The following RHBDD2 variants were observed in gnomAD, a reference collection of about 807,000 sequenced individuals.
RHBDD2 encodes the protein rhomboid domain containing 2, also known as rhomboid domain-containing protein 2.
A neutral mutation model predicts 21.7 loss-of-function variants in RHBDD2; 13 were observed. The ratio of observed to expected loss-of-function variants is 0.60; its 90% CI spans 0.39 to 0.95. RHBDD2 has a LOEUF of 0.95. RHBDD2 is among the 40% of genes least tolerant of loss of function. RHBDD2 has a pLI of 0.00. For synonymous variants in RHBDD2, 225 were observed against 220.0 expected, an observed-to-expected ratio of 1.02 and a Z score of -0.20; for missense variants, 473 against 478.9, an observed-to-expected ratio of 0.99 and a Z score of 0.11.
chr7:75,888,519 G>T lies in RHBDD2; in HGVS notation c.*170G>T, dbSNP rs955219428. 17 of 607,152 alleles carry T rather than the reference G, an allele frequency of 2.8e-5. No individual in the cohort carries two copies. Among genetic ancestry groups the T allele is most frequent in the Non-Finnish European group, 4.9e-5 (17 of 345,324 alleles). The allele number at this position is 607,152 out of a possible 1,614,324, so 37.6% of individuals were successfully genotyped here. On this transcript the variant is annotated 3_prime_UTR_variant, in exon 4 of 4. Transcript: ENST00000006777. ...TACTCACGGCAGCCCTGTGGAGTAC[G>T]GTGTACTGGCCCAGCTTACAGATGC...
intron 2 of RHBDD2, among the ~76,000 whole-genome samples, 164 bp downstream of exon 2, chr7:75,882,400 G>T (rs1431584183): frequency 4.6e-5 from 7 of 152,140 alleles, no homozygotes; most frequent in African/African-American, 7.2e-5. Flanking sequence ...TCAACTCACT[G>T]CAACCTCTGC....
chr7:75,883,709 T>G lies in RHBDD2; in HGVS notation c.598T>G (p.Tyr200Asp), dbSNP rs1554543049. ...CACGCCAACCTCAGATGGCCTCACCTACTGCTATTCCATCGACCTCTCAGA... is the reference window on the plus strand; with the variant it reads ...CACGCCAACCTCAGATGGCCTCACCGACTGCTATTCCATCGACCTCTCAGA... ...LSIGLAYGLT[Y>D]CYSIDLSERV... The change falls in exon 3 of 4, where the codon TAC (tyrosine) becomes GAC (aspartate). Residue 200 changes from tyrosine to aspartate, a missense_variant. Physicochemically the swap from Tyr to Asp is radical, Grantham distance 160. Coordinates refer to ENST00000006777, the MANE Select transcript of RHBDD2 (RefSeq NM_001040456.3). 1.2e-6 allele frequency: 2 copies of G among 1,613,390 alleles called. No individual in the cohort carries two copies. Among genetic ancestry groups the G allele is most frequent in the Admixed American group, 1.7e-5 (1 of 59,866 alleles).
At chr7:75,887,254 C>T (rs1805735229) in intron 3 of RHBDD2, among the ~76,000 whole-genome samples, 1 of 148,954 alleles carries the variant, frequency 6.7e-6, no homozygotes, top group Non-Finnish European at 1.5e-5. Flanking sequence ...CCTCCTACCT[C>T]AGCCTCTTAA....
chr7:75,879,099 CCGGGTGTCGCAG>C lies in RHBDD2; in HGVS notation c.19_30del (p.Gly7_Ser10del). On this transcript the variant is annotated inframe_deletion, in exon 1 of 4. Transcript: ENST00000006777. ...ACGGCGGCCATGGCGGCCTCGGGGC[CCGGGTGTCGCAG>C]CTGGTGCTTGTGTCCCGAGGTGCCA... 1.5e-6 allele frequency: 2 copies of C among 1,367,598 alleles called. No homozygotes were observed. The highest frequency in any genetic ancestry group is 3.1e-5 in the African/African-American group (2 of 65,476). The allele number at this position is 1,367,598 out of a possible 1,614,324, so 84.7% of individuals were successfully genotyped here.
chr7:75,880,875 A>G (rs1437882188), intron 1 of RHBDD2, among the ~76,000 whole-genome samples: 1 of 152,068 alleles, frequency 6.6e-6, no homozygotes, highest in Non-Finnish European at 1.5e-5. Context: ...ACAAGTACAC[A>G]TCATCACACC....
At position 75,881,934 on chromosome 7, in the gene RHBDD2, G is replaced by T; in HGVS notation, c.284G>T (p.Gly95Val). 1 of 1,614,190 alleles carries T rather than the reference G, an allele frequency of 6.2e-7. No individual in the cohort carries two copies. ...GCTGGCAATTTCGAGAGAACCGTGGGCACCGTCCGCCACTGCTTCTTCACC... is the reference window on the plus strand; with the variant it reads ...GCTGGCAATTTCGAGAGAACCGTGGTCACCGTCCGCCACTGCTTCTTCACC... ...RFAGNFERTV[G>V]TVRHCFFTVI... The change falls in exon 2 of 4, where the codon GGC becomes GTC. Residue 95 changes from glycine to valine, a missense_variant. Transcript: ENST00000006777.
intron 1 of RHBDD2, 69 bp from the exon 2 acceptor site, chr7:75,881,760 C>A: frequency 2.1e-6 from 3 of 1,449,060 alleles, no homozygotes; most frequent in Non-Finnish European, 1.9e-6. Context: ...CTTTCCTAGG[C>A]GGCTTATAAC....
intron 3 of RHBDD2, among the ~76,000 whole-genome samples, chr7:75,886,028 G>A (rs1805644644): frequency 1.3e-5 from 2 of 152,096 alleles, no homozygotes; most frequent in African/African-American, 4.8e-5. Context: ...CACTATACCC[G>A]GCTAAAGATC....
intron 3 of RHBDD2, 78 bp downstream of exon 3, chr7:75,883,926 ACT>A (rs1805497327): frequency 7.3e-6 from 9 of 1,241,026 alleles, no homozygotes; most frequent in Middle Eastern, 2.9e-4. Context: ...ACGGAGTCTC[ACT>A]CTGTCACCCA....
Position 75,883,706 on chromosome 7 carries a change from A to C in RHBDD2, c.595A>C (p.Thr199Pro). ...GLSIGLAYGL[T>P]YCYSIDLSER... ...TAACACGCCAACCTCAGATGGCCTCACCTACTGCTATTCCATCGACCTCTC... is the reference window on the plus strand; with the variant it reads ...TAACACGCCAACCTCAGATGGCCTCCCCTACTGCTATTCCATCGACCTCTC... The change falls in exon 3 of 4, where the codon ACC becomes CCC. Residue 199 changes from threonine to proline, a missense_variant. Thr to Pro is a conservative substitution (Grantham distance 38). Coordinates refer to ENST00000006777, the MANE Select transcript of RHBDD2 (RefSeq NM_001040456.3). 1 of 1,613,050 alleles carries C rather than the reference A, an allele frequency of 6.2e-7. No individual in the cohort carries two copies. The highest frequency in any genetic ancestry group is 8.5e-7 in the Non-Finnish European group (1 of 1,179,616).
In RHBDD2 at chr7:75,885,059, C is replaced by T. The variant is rs142119450; in HGVS notation, c.737+1211C>T. Among the ~76,000 whole-genome samples the T allele has an allele frequency of 3.3e-3, 459 of 138,368 alleles. 7 individuals are homozygous for T. Among genetic ancestry groups the T allele is most frequent in the African/African-American group, 0.012 (443 of 36,988 alleles). The allele number at this position is 138,368 out of a possible 152,430, so 90.8% of individuals were successfully genotyped here. On this transcript the variant is annotated intron_variant, in intron 3 of 3. Transcript: ENST00000006777. ...AACCTGGGAGGTGGAGGTTGCAGTG[C>T]ACCGAGATCACACCACAGCACTCCA...
In RHBDD2 at chr7:75,888,591, G is replaced by A; in HGVS notation, c.*242G>A. On this transcript the variant is annotated 3_prime_UTR_variant, in exon 4 of 4. Coordinates refer to ENST00000006777, the MANE Select transcript of RHBDD2 (RefSeq NM_001040456.3). ...TCAGATAAAGTCACGTGGCTCTTTA[G>A]TAACACGGACAAGGCTCCTCGCCAA... is the stretch of plus-strand genomic sequence containing the variant. 1 of 508,960 alleles carries A rather than the reference G, an allele frequency of 2.0e-6. No homozygotes were observed. The highest frequency in any genetic ancestry group is 3.4e-5 in the Admixed American group (1 of 29,008). 31.5% of individuals were successfully genotyped at this position (508,960 alleles called of 1,614,324 possible). A position where few individuals can be genotyped will look rare whatever the true frequency, so the allele number is the denominator to read the frequency against.
At chr7:75,881,732 C>T (rs576071845) in intron 1 of RHBDD2, 97 bp from the exon 2 acceptor site, 20 of 1,261,644 alleles carry the variant, frequency 1.6e-5, no homozygotes, top group Middle Eastern at 2.2e-4. Context: ...TTCTCTGTCA[C>T]GGAGGGGGGC....
At chr7:75,886,758 G>A (rs1460908676) in intron 3 of RHBDD2, among the ~76,000 whole-genome samples, 1 of 151,602 alleles carries the variant, frequency 6.6e-6, no homozygotes, top group African/African-American at 2.4e-5. Flanking sequence ...AGCTTGCAGT[G>A]AGCCGAGATC....
intron 3 of RHBDD2, among the ~76,000 whole-genome samples, chr7:75,886,481 A>G (rs1295928318): frequency 1.3e-5 from 2 of 152,112 alleles, no homozygotes; most frequent in African/African-American, 4.8e-5. Flanking sequence ...CTCACATACA[A>G]GAGCTCACTC....
At position 75,886,939 on chromosome 7, in the gene RHBDD2, G is replaced by A. The variant is rs554240707; in HGVS notation, c.738-1053G>A. Reference sequence around the variant, plus strand: ...AGATCTTAGGGTTTAAGAGGAAGATGGTGTTCCTTCTGTGTTCCCCACGTG... The same window carrying A: ...AGATCTTAGGGTTTAAGAGGAAGATAGTGTTCCTTCTGTGTTCCCCACGTG... On this transcript the variant is annotated intron_variant, in intron 3 of 3. Transcript: ENST00000006777. 2.0e-5 allele frequency among the ~76,000 whole-genome samples: 3 copies of A among 152,160 alleles called. No individual in the cohort carries two copies. In the South Asian group the frequency reaches 6.2e-4, roughly 32 times the overall value.
chr7:75,883,527 AAAC>A, intron 2 of RHBDD2, 168 bp from the exon 3 acceptor site: 1 of 571,042 alleles, frequency 1.8e-6, no homozygotes, highest in East Asian at 3.0e-5. Context: ...TCAAAAAAAA[AAAC>A]AAACCTTTGG....
chr7:75,886,224 C>G (rs1554543810), intron 3 of RHBDD2, among the ~76,000 whole-genome samples: 1 of 152,162 alleles, frequency 6.6e-6, no homozygotes, highest in African/African-American at 2.4e-5. Flanking sequence ...GAGGTGCTCC[C>G]AGCTGTCAAC....
intron 1 of RHBDD2, among the ~76,000 whole-genome samples, chr7:75,879,650 C>G (rs1805202625): frequency 2.0e-5 from 3 of 152,190 alleles, no homozygotes; most frequent in African/African-American, 7.2e-5. Flanking sequence ...GGCCTAAGCC[C>G]CACTGAAAAA....
Sources: allele counts gnomAD v4.1 joint callset (sites outside exome capture counted in the v4.1 genomes callset), GRCh38; gene constraint gnomAD v4.1.1; transcripts MANE v1.5; gene names NCBI Gene and HGNC (gene_info 2026-07-23, HGNC 2026-07-21).